The following GRM5 variants were observed in gnomAD, a reference collection of about 807,000 sequenced individuals.
GRM5 encodes metabotropic glutamate receptor 5.
A neutral mutation model predicts 83.1 loss-of-function variants in GRM5; 19 were observed. The ratio of observed to expected loss-of-function variants is 0.23; its 90% CI spans 0.16 to 0.34. GRM5 has a LOEUF of 0.34. Ranked by LOEUF, GRM5 falls within the 10% of genes least tolerant of loss-of-function variation. GRM5 has a pLI of 1.00. For synonymous variants in GRM5, 675 were observed against 633.6 expected (o/e 1.07, Z -0.98); for missense variants, 1,160 against 1,588.3 (o/e 0.73, Z 4.58).
Position 88,509,349 on chromosome 11 carries a change from A to T in GRM5, c.2882T>A (p.Leu961Gln), listed in dbSNP as rs1202058113. 3 of 1,604,194 alleles carry T rather than the reference A, an allele frequency of 1.9e-6. No individual in the cohort carries two copies. The highest frequency in any genetic ancestry group is 2.6e-6 in the Non-Finnish European group (3 of 1,176,398). ...CCCGCCTGCGCCAGCGCCAGCGCCC[A>T]GGCCACGGCTCTCCGTGCTCTTGGG... ...PFPKSTESRG[L>Q]GAGAGAGGSA... Residue 961 changes from leucine (L) to glutamine (Q), a missense_variant, in exon 10 of 10, where the codon CTG (leucine) becomes CAG (glutamine). Physicochemically the swap from Leu to Gln is moderately radical, Grantham distance 113. Transcript: ENST00000305447.
At chr11:88,667,241 G>A (rs1252578241) in intron 3 of GRM5, among the ~76,000 whole-genome samples, 1 of 152,014 alleles carries the variant, frequency 6.6e-6, no homozygotes, top group Non-Finnish European at 1.5e-5. Flanking sequence ...ATATAGAAAA[G>A]TATAAAATAT....
intron 2 of GRM5, among the ~76,000 whole-genome samples, chr11:88,975,437 T>C (rs913625303): frequency 9.2e-5 from 14 of 152,214 alleles, no homozygotes; most frequent in African/African-American, 3.4e-4. Context: ...TTCCAGATAT[T>C]CTAATTCAAG....
chr11:88,970,266 C>T (rs1175600183), intron 2 of GRM5, among the ~76,000 whole-genome samples: 2 of 152,106 alleles, frequency 1.3e-5, no homozygotes, highest in Admixed American at 6.6e-5. Context: ...AATAGTTCAA[C>T]GTGGGTGGCT....
intron 3 of GRM5, among the ~76,000 whole-genome samples, chr11:88,767,934 A>T (rs888118912): frequency 6.6e-6 from 1 of 152,152 alleles, no homozygotes; most frequent in Non-Finnish European, 1.5e-5. Context: ...AAAAGAAAAA[A>T]GTAATAACAA....
At chr11:88,570,571 A>ATATATATATATATTTTTT (rs1405339448) in intron 7 of GRM5, among the ~76,000 whole-genome samples, 6 of 46,378 alleles carry the variant, frequency 1.3e-4, no homozygotes, top group African/African-American at 6.7e-4. Context: ...ATATATATAT[A>ATATATATATATATTTTTT]TTTTTTTTTT....
At chr11:88,960,373 C>A (rs1281584919) in intron 2 of GRM5, among the ~76,000 whole-genome samples, 2 of 151,862 alleles carry the variant, frequency 1.3e-5, no homozygotes, top group East Asian at 1.9e-4. Context: ...AAAAAAAAAA[C>A]TATGAAGTAG....
At chr11:89,029,389 A>G (rs1941207856) in intron 2 of GRM5, among the ~76,000 whole-genome samples, 1 of 152,216 alleles carries the variant, frequency 6.6e-6, no homozygotes, top group Non-Finnish European at 1.5e-5. Context: ...AGTCAGATAA[A>G]TTAACTCAAC....
chr11:88,653,798 AATAATT>A (rs1322270672), intron 3 of GRM5, among the ~76,000 whole-genome samples: 1 of 152,098 alleles, frequency 6.6e-6, no homozygotes, highest in Non-Finnish European at 1.5e-5. Context: ...GCTTTATAAT[AATAATT>A]ATAATGATCA....
chr11:88,597,708 A>G (rs1937855109), intron 5 of GRM5, among the ~76,000 whole-genome samples: 1 of 152,070 alleles, frequency 6.6e-6, no homozygotes, highest in South Asian at 2.1e-4. Context: ...AAAATGATAA[A>G]ACTTACATTT....
intron 3 of GRM5, among the ~76,000 whole-genome samples, chr11:88,831,962 C>A (rs1944003350): frequency 6.6e-6 from 1 of 152,180 alleles, no homozygotes; most frequent in Non-Finnish European, 1.5e-5. Context: ...GAGACCCAGG[C>A]ACATTTAGCC....
At chr11:88,611,116 G>T (rs1408819415) in intron 4 of GRM5, among the ~76,000 whole-genome samples, 1 of 152,094 alleles carries the variant, frequency 6.6e-6, no homozygotes, top group Admixed American at 6.6e-5. Context: ...AATTCTGTTT[G>T]CTAGTATTTT....
chr11:88,653,514 A>G (rs1012442412), intron 3 of GRM5, 111 bp from the exon 4 acceptor site: 1 of 664,850 alleles, frequency 1.5e-6, no homozygotes, highest in Non-Finnish European at 2.6e-6. Flanking sequence ...CTCAGGCCCC[A>G]TGATGGTCCT....
intron 3 of GRM5, among the ~76,000 whole-genome samples, chr11:88,746,912 ACCTTG>A (rs1330190041): frequency 6.6e-6 from 1 of 152,162 alleles, no homozygotes; most frequent in East Asian, 1.9e-4. Flanking sequence ...TATCGTTTAG[ACCTTG>A]TGTTTCTTTC....
At chr11:88,703,469 C>A (rs1283276196) in intron 3 of GRM5, among the ~76,000 whole-genome samples, 1 of 152,044 alleles carries the variant, frequency 6.6e-6, no homozygotes, top group Non-Finnish European at 1.5e-5. Flanking sequence ...TCAAACCAAA[C>A]CTAGTTCAAT....
chr11:88,542,962 G>A (rs1942302684), intron 8 of GRM5, among the ~76,000 whole-genome samples: 1 of 152,164 alleles, frequency 6.6e-6, no homozygotes, highest in African/African-American at 2.4e-5. Flanking sequence ...CAGCTACAAA[G>A]GAGGCTGAGG....
At chr11:88,816,806 T>TA (rs1301373849) in intron 3 of GRM5, among the ~76,000 whole-genome samples, 1 of 149,176 alleles carries the variant, frequency 6.7e-6, no homozygotes, top group Non-Finnish European at 1.5e-5. Context: ...TTAGAGAAGT[T>TA]ATATTGCTAC....
At chr11:88,696,159 G>GGAGT (rs1940896507) in intron 3 of GRM5, among the ~76,000 whole-genome samples, 1 of 152,140 alleles carries the variant, frequency 6.6e-6, no homozygotes, top group African/African-American at 2.4e-5. Context: ...CTCTTCCCCT[G>GGAGT]GAGTCCGATT....
At chr11:88,902,900 G>A (rs865884887) in intron 2 of GRM5, among the ~76,000 whole-genome samples, 34 of 132,314 alleles carry the variant, frequency 2.6e-4, no homozygotes, top group African/African-American at 7.2e-4. Context: ...GCAGTTAGCC[G>A]AGATCGTGCC....
chr11:88,663,727 T>C (rs1415605050), intron 3 of GRM5, among the ~76,000 whole-genome samples: 19 of 152,218 alleles, frequency 1.2e-4, no homozygotes, highest in Admixed American at 1.2e-3. Flanking sequence ...ATGACTGTGC[T>C]GGGATAACAC....
Sources: gnomAD v4.1 joint callset for allele counts (sites outside exome capture counted in the v4.1 genomes callset) on GRCh38, gnomAD v4.1.1 for gene constraint, MANE v1.5 for transcripts, NCBI Gene and HGNC (gene_info 2026-07-23, HGNC 2026-07-21) for gene names.